LRP2: variants seen among roughly 807,000 people sequenced by gnomAD.
LRP2 encodes the protein low-density lipoprotein receptor-related protein 2.
In LRP2, 172 loss-of-function variants were observed where a neutral mutation model predicts 531.0. The ratio of observed to expected loss-of-function variants is 0.32; its 90% CI spans 0.29 to 0.37. The LOEUF (loss-of-function observed/expected upper bound fraction) is 0.37, where lower values mean the gene tolerates loss of function less well. LRP2 is among the 10% of genes least tolerant of loss of function. The probability of loss-of-function intolerance (pLI) is 1.00; values close to 1 mark genes in which losing one functional copy is unlikely to be tolerated. For synonymous variants in LRP2, 1,992 were observed against 2,027.6 expected (o/e 0.98, Z 0.47); for missense variants, 5,167 against 5,868.3 (o/e 0.88, Z 3.90).
At chr2:169,229,229 T>C (rs1351579627) in intron 31 of LRP2, among the ~76,000 whole-genome samples, 1 of 152,230 alleles carries the variant, frequency 6.6e-6, no homozygotes, top group African/African-American at 2.4e-5. Context: ...AGTGTGTCTC[T>C]GTCTTTTGAA....
chr2:169,244,080 C>G (rs1201121257), intron 22 of LRP2, among the ~76,000 whole-genome samples: 1 of 152,154 alleles, frequency 6.6e-6, no homozygotes. Flanking sequence ...GGTATGAAAG[C>G]TAGAAGGGAT....
At chr2:169,132,188 C>T (rs914253631) in intron 77 of LRP2, among the ~76,000 whole-genome samples, 1 of 152,130 alleles carries the variant, frequency 6.6e-6, no homozygotes, top group Non-Finnish European at 1.5e-5. Flanking sequence ...AAGATGCATG[C>T]TGTAGAGAAA....
intron 70 of LRP2, 151 bp from the exon 71 acceptor site, chr2:169,142,944 T>C (rs1198972415): frequency 1.2e-6 from 1 of 818,096 alleles, no homozygotes; most frequent in Non-Finnish European, 2.1e-6. Flanking sequence ...TCACCCTCAT[T>C]TACACTATCA....
intron 63 of LRP2, among the ~76,000 whole-genome samples, chr2:169,160,685 A>AAAAACAAAAAAAACAAAAAAAAC (rs1553487415): frequency 2.0e-4 from 19 of 94,282 alleles, no homozygotes; most frequent in African/African-American, 8.2e-4. Context: ...ATTTCCTTAA[A>AAAAACAAAAAAAACAAAAAAAAC]AAAAAAAAAA....
intron 65 of LRP2, 29 bp from the exon 66 acceptor site, chr2:169,154,632 T>A (rs780256258): frequency 1.2e-6 from 2 of 1,608,718 alleles, no homozygotes; most frequent in Non-Finnish European, 8.5e-7. Context: ...CTACTTTATC[T>A]GTTTGAATTA....
At chr2:169,267,110 A>T (rs1221772241) in intron 16 of LRP2, among the ~76,000 whole-genome samples, 1 of 151,572 alleles carries the variant, frequency 6.6e-6, no homozygotes, top group African/African-American at 2.4e-5. Flanking sequence ...GGCTGGTCTC[A>T]AACTCCCGGC....
At position 169,260,262 on chromosome 2, in the gene LRP2, G is replaced by A. The variant is rs189239035; in HGVS notation, c.2321-1045C>T. ...AAAGAGTAATGAGTGCTGAGATGGA[G>A]AGATGCATAGGATGGTCTGAGAGCA... On this transcript the variant is annotated intron_variant, in intron 16 of 78. Transcript: ENST00000649046. Among the ~76,000 whole-genome samples the A allele has an allele frequency of 2.6e-5, 4 of 152,258 alleles. 1 individual carries two copies. The South Asian group carries it at 6.2e-4, about 24-fold the overall frequency.
At chr2:169,312,659 G>T (rs1220834751) in intron 3 of LRP2, among the ~76,000 whole-genome samples, 2 of 152,130 alleles carry the variant, frequency 1.3e-5, no homozygotes, top group Non-Finnish European at 1.5e-5. Flanking sequence ...TTAAACTTTG[G>T]TGAATCTGAC....
intron 4 of LRP2, among the ~76,000 whole-genome samples, chr2:169,297,460 GT>G (rs1684159655): frequency 6.6e-6 from 1 of 152,226 alleles, no homozygotes; most frequent in African/African-American, 2.4e-5. Flanking sequence ...TCTGAATTTG[GT>G]TTTAATGGAA....
rs1323255642 is a variant in LRP2 at position 169,216,312 on chromosome 2, AC to A, written c.5766del (p.Glu1922AspfsTer21). 6.2e-7 allele frequency: 1 copy of A among 1,613,546 alleles called. No homozygotes were observed. Among genetic ancestry groups the A allele is most frequent in the Non-Finnish European group, 8.5e-7 (1 of 1,179,692 alleles). On this transcript the variant is annotated frameshift_variant, in exon 35 of 79. Coordinates refer to ENST00000649046, the MANE Select transcript of LRP2 (RefSeq NM_004525.3). LOFTEE classifies it high-confidence loss of function. ...TLFTGNLEHL[E>X]CVTLDIEEQK... ...TGCTCTTCGATGTCAAGAGTGACAC[AC>A]TCCAGGTGTTCGAGGTTCCCAGTAA...
At chr2:169,361,334 CTCTCTGTCTCTCTCTG>C (rs1243044063) in intron 1 of LRP2, among the ~76,000 whole-genome samples, 1 of 62,590 alleles carries the variant, frequency 1.6e-5, no homozygotes, top group African/African-American at 6.4e-5. Flanking sequence ...CTCTCTGTCT[CTCTCTGTCTCTCTCTG>C]TCTCTCTCTC....
chr2:169,202,439 C>G (rs1688234321), intron 43 of LRP2, among the ~76,000 whole-genome samples: 1 of 152,150 alleles, frequency 6.6e-6, no homozygotes, highest in African/African-American at 2.4e-5. Context: ...TATTGTTTCT[C>G]TTACTCCTCG....
At chr2:169,232,195 A>C (rs1273591952) in intron 30 of LRP2, among the ~76,000 whole-genome samples, 3 of 143,886 alleles carry the variant, frequency 2.1e-5, no homozygotes, top group Non-Finnish European at 4.5e-5. Flanking sequence ...GACCTAAAAG[A>C]GATCTTTTTG....
At position 169,182,176 on chromosome 2, in the gene LRP2, G is replaced by A. The variant is rs1343835834; in HGVS notation, c.9989C>T (p.Pro3330Leu). 6.2e-7 allele frequency: 1 copy of A among 1,614,114 alleles called. No individual in the cohort carries two copies. Among genetic ancestry groups the A allele is most frequent in the South Asian group, 1.1e-5 (1 of 91,076 alleles). Residue 3330 changes from proline to leucine, a missense_variant, in exon 51 of 79, where the codon CCT becomes CTT. Coordinates refer to ENST00000649046, the MANE Select transcript of LRP2 (RefSeq NM_004525.3). The stretch of plus-strand genomic sequence containing the variant: ...TGCAGGGAGACAATACCCATATTGA[G>A]GGTGAAGGGCAAGTCCTCTGGGATT... ...FDNPRGLALH[P>L]QYGYLYWADW...
chr2:169,233,895 C>T (rs954639731), intron 29 of LRP2, among the ~76,000 whole-genome samples: 3 of 152,090 alleles, frequency 2.0e-5, no homozygotes, highest in African/African-American at 4.8e-5. Context: ...GTGATGTATC[C>T]GGATCACCTA....
intron 1 of LRP2, among the ~76,000 whole-genome samples, chr2:169,343,567 G>A (rs1463637248): frequency 1.3e-5 from 2 of 152,110 alleles, no homozygotes; most frequent in Non-Finnish European, 2.9e-5. Context: ...AATATTCCCA[G>A]GTACCTATAA....
intron 74 of LRP2, 119 bp downstream of exon 74, chr2:169,139,132 T>G: frequency 2.1e-6 from 3 of 1,452,208 alleles, no homozygotes; most frequent in Non-Finnish European, 2.9e-6. Context: ...TTTGTTTCTG[T>G]GGAATCGGTG....
chr2:169,186,520 A>G lies in LRP2; in HGVS notation c.9329-501T>C, dbSNP rs112719264. Among the ~76,000 whole-genome samples the G allele has an allele frequency of 2.6e-3, 394 of 152,346 alleles. 2 individuals are homozygous for G. Among genetic ancestry groups the G allele is most frequent in the African/African-American group, 8.6e-3 (359 of 41,582 alleles). On this transcript the variant is annotated intron_variant, in intron 49 of 78. Coordinates refer to ENST00000649046, the MANE Select transcript of LRP2 (RefSeq NM_004525.3). ...TGTAACACATGGGCAACCTCACCCA[A>G]AAATGATCTACAGAGGGAGGACAGC...
In LRP2 at chr2:169,150,873, G is replaced by A. The variant is rs1295557662; in HGVS notation, c.12590+25C>T. On this transcript the variant is annotated intron_variant, in intron 68 of 78. Coordinates refer to ENST00000649046, the MANE Select transcript of LRP2 (RefSeq NM_004525.3). The stretch of plus-strand genomic sequence containing the variant: ...AGAATCCAGGGAGAAATATCTAGAT[G>A]TTGAAGACTTCTCCAAGTACTTACC... 4 of 1,613,334 alleles carry A rather than the reference G, an allele frequency of 2.5e-6. No individual in the cohort carries two copies. The East Asian group carries it at 6.7e-5, about 27-fold the overall frequency.
Sources: gnomAD v4.1 joint callset for allele counts (sites outside exome capture counted in the v4.1 genomes callset) on GRCh38, gnomAD v4.1.1 for gene constraint, MANE v1.5 for transcripts, NCBI Gene and HGNC (gene_info 2026-07-23, HGNC 2026-07-21) for gene names.